USH2A: variants seen among roughly 807,000 people sequenced by gnomAD.
USH2A encodes the protein usherin.
Under a neutral mutation model 538.9 loss-of-function variants are expected in USH2A, and 443 were observed. The observed-to-expected ratio is 0.82, with a 90% confidence interval of 0.76 to 0.89. The LOEUF (loss-of-function observed/expected upper bound fraction) is 0.89, where lower values mean the gene tolerates loss of function less well. Ranked by LOEUF, USH2A falls within the 40% of genes least tolerant of loss-of-function variation. The pLI, the probability that USH2A is intolerant of heterozygous loss-of-function variation, is 0.00. For synonymous variants in USH2A, 2,413 were observed against 2,273.5 expected, an observed-to-expected ratio of 1.06 and a Z score of -1.75; for missense variants, 6,633 against 6,324.8, an observed-to-expected ratio of 1.05 and a Z score of -1.65.
At position 215,844,451 on chromosome 1, in the gene USH2A, G is replaced by A; in HGVS notation, c.9101C>T (p.Thr3034Ile). 1 of 1,612,500 alleles carries A rather than the reference G, an allele frequency of 6.2e-7. No individual in the cohort carries two copies. Among genetic ancestry groups the A allele is most frequent in the East Asian group, 2.2e-5 (1 of 44,856 alleles). Residue 3034 changes from threonine to isoleucine, a missense_variant, in exon 46 of 72, where the codon ACA becomes ATA. Transcript: ENST00000307340. ...LPPEVVIINS[T>I]AVRVIWTSPS... ...AGATGTCCAGATGACACGTACAGCTGTACTGTTGATGATGACAACCTCTGG... is the reference window on the plus strand; with the variant it reads ...AGATGTCCAGATGACACGTACAGCTATACTGTTGATGATGACAACCTCTGG...
intron 46 of USH2A, among the ~76,000 whole-genome samples, chr1:215,842,664 T>C (rs184176550): frequency 8.2e-6 from 1 of 121,978 alleles, no homozygotes; most frequent in African/African-American, 3.4e-5. Context: ...TACAGGGACA[T>C]AGATGGAGCT....
intron 32 of USH2A, among the ~76,000 whole-genome samples, chr1:216,022,663 C>T (rs1668868852): frequency 6.6e-6 from 1 of 152,156 alleles, no homozygotes; most frequent in South Asian, 2.1e-4. Flanking sequence ...CTACTTTTAA[C>T]ATAGTCTCAT....
intron 40 of USH2A, among the ~76,000 whole-genome samples, chr1:215,896,352 T>C (rs906331942): frequency 2.0e-5 from 3 of 152,120 alleles, no homozygotes; most frequent in African/African-American, 4.8e-5. Flanking sequence ...ATGATTTCAA[T>C]TTCATTAGTT....
At chr1:216,263,317 A>G (rs1463538513) in intron 11 of USH2A, among the ~76,000 whole-genome samples, 1 of 152,150 alleles carries the variant, frequency 6.6e-6, no homozygotes. Context: ...AATATGCAAC[A>G]GCAAAAACTA....
Position 215,629,773 on chromosome 1 carries a change from CTTTTTTTT to C in USH2A, c.15298-746_15298-739del, listed in dbSNP as rs34349385. On this transcript the variant is annotated intron_variant, in intron 70 of 71. Coordinates refer to ENST00000307340, the MANE Select transcript of USH2A (RefSeq NM_206933.4). ...ATGTTTCTGCTTTTTCTTTTCTTTT[CTTTTTTTT>C]TTTTTTTTTTTTGAGACAGAGTTTT... is the stretch of plus-strand genomic sequence containing the variant. 1.7e-4 allele frequency among the ~76,000 whole-genome samples: 21 copies of C among 125,058 alleles called. No individual in the cohort carries two copies. The East Asian group carries it at 4.5e-3, about 27-fold the overall frequency. The allele number at this position is 125,058 out of a possible 152,430, so 82.0% of individuals were successfully genotyped here.
rs1357048122 is a variant in USH2A at position 215,671,217 on chromosome 1, T to C, written c.13888A>G (p.Ile4630Val). 5.0e-6 allele frequency: 8 copies of C among 1,614,126 alleles called. No individual in the cohort carries two copies. The highest frequency in any genetic ancestry group is 6.8e-6 in the Non-Finnish European group (8 of 1,180,008). ...SDWTFIQTPE[I>V]APLMQPPPHL... ...GGAGGGGGTTGCATCAAAGGTGCAA[T>C]CTCAGGGGTCTGTATGAATGTCCAG... The change falls in exon 64 of 72, where the codon ATT (isoleucine) becomes GTT (valine). Residue 4630 changes from isoleucine (I) to valine (V), a missense_variant. Physicochemically the swap from Ile to Val is conservative, Grantham distance 29 (BLOSUM62 3). Coordinates refer to ENST00000307340, the MANE Select transcript of USH2A (RefSeq NM_206933.4).
chr1:215,782,206 G>A lies in USH2A; in HGVS notation c.10586-10C>T. 2 of 1,613,244 alleles carry A rather than the reference G, an allele frequency of 1.2e-6. No individual in the cohort carries two copies. Among genetic ancestry groups the A allele is most frequent in the Non-Finnish European group, 1.7e-6 (2 of 1,179,532 alleles). ...TAGTAAATAATAGGACCTAAAAGAA[G>A]CAGAAAAATGACTGCATTTGAATGT... On this transcript the variant is annotated splice_polypyrimidine_tract_variant and intron_variant, in intron 53 of 71. Coordinates refer to ENST00000307340, the MANE Select transcript of USH2A (RefSeq NM_206933.4).
chr1:215,958,504 A>G (rs1298859479), intron 37 of USH2A, among the ~76,000 whole-genome samples: 1 of 152,204 alleles, frequency 6.6e-6, no homozygotes, highest in African/African-American at 2.4e-5. Context: ...GATTTATCCC[A>G]AAGAGCAAAC....
chr1:215,884,478 T>A (rs186643338), intron 41 of USH2A, among the ~76,000 whole-genome samples: 1 of 152,314 alleles, frequency 6.6e-6, no homozygotes, highest in Non-Finnish European at 1.5e-5. Context: ...ACTCCTTATG[T>A]AATCTTATGC....
intron 49 of USH2A, among the ~76,000 whole-genome samples, chr1:215,799,422 C>T (rs886513471): frequency 6.6e-5 from 10 of 152,102 alleles, no homozygotes; most frequent in East Asian, 1.9e-4. Context: ...TCTAGGAATA[C>T]TTTTTTGTTC....
chr1:215,727,843 G>A (rs763151357), intron 61 of USH2A, among the ~76,000 whole-genome samples, 187 bp downstream of exon 61: 1 of 152,044 alleles, frequency 6.6e-6, no homozygotes, highest in Non-Finnish European at 1.5e-5. Context: ...CTACAAACTG[G>A]TCTCCAATAC....
chr1:215,860,887 A>T (rs1664296683), intron 44 of USH2A, among the ~76,000 whole-genome samples: 1 of 152,216 alleles, frequency 6.6e-6, no homozygotes, highest in African/African-American at 2.4e-5. Context: ...AGCTGATTTT[A>T]TGATGGAAGT....
intron 13 of USH2A, among the ~76,000 whole-genome samples, chr1:216,235,564 GC>G (rs1376963862): frequency 6.6e-6 from 1 of 152,148 alleles, no homozygotes; most frequent in Non-Finnish European, 1.5e-5. Flanking sequence ...GTGTGGCTTT[GC>G]CTAGGAGAAG....
chr1:215,878,657 C>A, intron 42 of USH2A, 107 bp downstream of exon 42: 1 of 1,150,784 alleles, frequency 8.7e-7, no homozygotes, highest in Admixed American at 2.0e-5. Flanking sequence ...ATATTCAATG[C>A]CAAATTAGTT....
At chr1:215,901,650 C>T (rs1665505237) in intron 38 of USH2A, among the ~76,000 whole-genome samples, 1 of 152,070 alleles carries the variant, frequency 6.6e-6, no homozygotes, top group Non-Finnish European at 1.5e-5. Context: ...CTGCTTGGTA[C>T]AATCTACCAG....
chr1:215,697,104 C>T (rs1658839268), intron 61 of USH2A, among the ~76,000 whole-genome samples: 1 of 147,598 alleles, frequency 6.8e-6, no homozygotes, highest in Admixed American at 6.9e-5. Flanking sequence ...AGGCATGTGC[C>T]ACCAGGCCCA....
chr1:215,940,750 G>A (rs1233245787), intron 37 of USH2A, among the ~76,000 whole-genome samples: 1 of 152,106 alleles, frequency 6.6e-6, no homozygotes, highest in Non-Finnish European at 1.5e-5. Context: ...TGTAATTACT[G>A]TAATAGTGAT....
In USH2A at chr1:215,879,065, C is replaced by A; in HGVS notation, c.8257G>T (p.Asp2753Tyr). ...TWKPPLIQNG[D>Y]ILSYEIHMPD... is the part of the protein sequence containing the mutation. Reference sequence around the variant, plus strand: ...ATGTGAATCTCATAGCTAAGTATGTCTCCGTTCTGGATGAGTGGGGGTTTC... The same window carrying A: ...ATGTGAATCTCATAGCTAAGTATGTATCCGTTCTGGATGAGTGGGGGTTTC... Residue 2753 changes from aspartate (D) to tyrosine (Y), a missense_variant, in exon 42 of 72, where the codon GAC becomes TAC. By Grantham distance (160) the Asp-to-Tyr change is radical. Transcript: ENST00000307340. The A allele has an allele frequency of 1.2e-6, 2 of 1,613,964 alleles. No homozygotes were observed. The highest frequency in any genetic ancestry group is 1.7e-6 in the Non-Finnish European group (2 of 1,179,940).
intron 13 of USH2A, among the ~76,000 whole-genome samples, chr1:216,232,440 T>G (rs2035717789): frequency 6.6e-6 from 1 of 152,214 alleles, no homozygotes; most frequent in Admixed American, 6.5e-5. Context: ...CCAACAGATA[T>G]TACCAGTCAT....
Sources: allele counts gnomAD v4.1 joint callset (sites outside exome capture counted in the v4.1 genomes callset), GRCh38; gene constraint gnomAD v4.1.1; transcripts MANE v1.5; gene names NCBI Gene and HGNC (gene_info 2026-07-23, HGNC 2026-07-21).